The following DPP6 variants were observed in gnomAD, a reference collection of about 807,000 sequenced individuals.
DPP6 encodes the protein dipeptidyl peptidase like 6.
A neutral mutation model predicts 122.6 loss-of-function variants in DPP6; 69 were observed. That is an observed-to-expected ratio of 0.56 (90% confidence interval 0.46 to 0.69). The LOEUF (loss-of-function observed/expected upper bound fraction) is 0.69. Ranked by LOEUF, DPP6 falls within the 30% of genes least tolerant of loss-of-function variation. The pLI is 0.00. For synonymous variants in DPP6, 418 were observed against 433.1 expected (o/e 0.97, Z 0.43); for missense variants, 928 against 1,116.9 (o/e 0.83, Z 2.41).
Position 154,889,345 on chromosome 7 carries a change from G to A in DPP6, c.2377+1G>A. ...CTGATCATTCATCCCACTGCCGATG[G>A]TAAGGACTGAAAACATGAATTCACT... On this transcript the variant is annotated splice_donor_variant, in intron 24 of 25. Coordinates refer to ENST00000377770, the MANE Select transcript of DPP6 (RefSeq NM_130797.4). LOFTEE classifies it high-confidence loss of function. The A allele has an allele frequency of 6.2e-7, 1 of 1,612,428 alleles. No individual in the cohort carries two copies. The highest frequency in any genetic ancestry group is 8.5e-7 in the Non-Finnish European group (1 of 1,179,546).
At chr7:154,633,745 G>A (rs979658531) in intron 5 of DPP6, among the ~76,000 whole-genome samples, 1 of 152,180 alleles carries the variant, frequency 6.6e-6, no homozygotes, top group African/African-American at 2.4e-5. Context: ...TTGGCTTGAT[G>A]TTGAGGAAGA....
chr7:153,866,176 G>A, the DPP6 span, among the ~76,000 whole-genome samples: 1 of 152,096 alleles, frequency 6.6e-6, no homozygotes, highest in African/African-American at 2.4e-5. Context: ...CCAGTAATGG[G>A]ATGGCTGGGT....
At chr7:154,593,348 A>G (rs968791374) in intron 5 of DPP6, among the ~76,000 whole-genome samples, 1 of 152,216 alleles carries the variant, frequency 6.6e-6, no homozygotes, top group Non-Finnish European at 1.5e-5. Context: ...TGAGAGCAGG[A>G]AAGCTACCTT....
At chr7:154,280,647 G>A (rs1462827571) in intron 1 of DPP6, among the ~76,000 whole-genome samples, 1 of 152,216 alleles carries the variant, frequency 6.6e-6, no homozygotes, top group South Asian at 2.1e-4. Context: ...TAATAAGTGG[G>A]TTTATTGTCA....
At chr7:153,767,529 G>A in the DPP6 span, among the ~76,000 whole-genome samples, 4 of 81,052 alleles carry the variant, frequency 4.9e-5, no homozygotes, top group East Asian at 3.6e-4. Context: ...CATAACACCC[G>A]GTTAATTTTT....
At chr7:154,390,969 C>T (rs566668754) in intron 1 of DPP6, among the ~76,000 whole-genome samples, 8 of 152,242 alleles carry the variant, frequency 5.3e-5, no homozygotes, top group South Asian at 2.1e-4. Flanking sequence ...GTGACCTGGG[C>T]GGTTGCTTTA....
At position 154,071,039 on chromosome 7, in the gene DPP6, A is replaced by G. The variant is rs555209806; in HGVS notation, c.243+17976A>G. ...CATGTATGTGCATGCATGCTATTTT[A>G]TTTGTTTTTTGCTGATAAAGGTGGA... On this transcript the variant is annotated intron_variant, in intron 1 of 25. Coordinates refer to ENST00000377770, the MANE Select transcript of DPP6 (RefSeq NM_130797.4). Among the ~76,000 whole-genome samples the G allele has an allele frequency of 5.8e-4, 88 of 151,326 alleles. 1 individual carries two copies. The highest frequency in any genetic ancestry group is 2.1e-3 in the African/African-American group (87 of 40,808).
At chr7:154,034,403 G>A (rs180941546) in intron 1 of DPP6, among the ~76,000 whole-genome samples, 19 of 152,230 alleles carry the variant, frequency 1.2e-4, no homozygotes, top group East Asian at 1.9e-4. Context: ...GATGCTCATC[G>A]CTGTGGATCC....
chr7:154,662,598 G>A (rs1224758840), intron 6 of DPP6, among the ~76,000 whole-genome samples: 4 of 110,970 alleles, frequency 3.6e-5, no homozygotes, highest in Non-Finnish European at 7.2e-5. Flanking sequence ...ATGGCGTATC[G>A]GCCGTAGTGT....
chr7:154,322,989 G>A (rs57317816), intron 1 of DPP6, among the ~76,000 whole-genome samples: 23,585 of 151,982 alleles, frequency 0.16, 2,692 homozygotes, highest in African/African-American at 0.32. Context: ...TATTACTCCA[G>A]TCAGACCTTC....
At chr7:154,057,673 G>A (rs958295862) in intron 1 of DPP6, 1 of 150,636 alleles carries the variant, frequency 6.6e-6, no homozygotes, top group African/African-American at 2.5e-5. Flanking sequence ...GCCTTTGTAT[G>A]AGGTCACAAA....
chr7:153,868,902 G>A, the DPP6 span, among the ~76,000 whole-genome samples: 4 of 151,956 alleles, frequency 2.6e-5, no homozygotes, highest in East Asian at 1.9e-4. Context: ...CTTTCATTTC[G>A]TTATGTACCC....
At chr7:154,214,425 G>A (rs1023146573) in intron 1 of DPP6, among the ~76,000 whole-genome samples, 2 of 152,194 alleles carry the variant, frequency 1.3e-5, no homozygotes, top group South Asian at 2.1e-4. Flanking sequence ...CACATCACAG[G>A]TGCTGTGTTA....
intron 1 of DPP6, among the ~76,000 whole-genome samples, chr7:154,002,231 G>A (rs554824502): frequency 0.018 from 2,653 of 151,510 alleles, no homozygotes; most frequent in African/African-American, 0.043. Flanking sequence ...GCGTATTTTT[G>A]TATCCTACGG....
intron 7 of DPP6, among the ~76,000 whole-genome samples, chr7:154,685,789 T>G (rs967008436): frequency 1.3e-5 from 2 of 152,244 alleles, no homozygotes; most frequent in African/African-American, 4.8e-5. Flanking sequence ...TCAATTCAAC[T>G]TAATTCAACT....
intron 1 of DPP6, among the ~76,000 whole-genome samples, chr7:154,289,091 C>A (rs546661537): frequency 2.7e-4 from 41 of 151,982 alleles, no homozygotes; most frequent in African/African-American, 9.9e-4. Context: ...TAATACTAAA[C>A]GGAAGCTGAT....
chr7:154,482,870 G>A (rs1178037943), intron 3 of DPP6, among the ~76,000 whole-genome samples: 1 of 152,142 alleles, frequency 6.6e-6, no homozygotes, highest in Non-Finnish European at 1.5e-5. Context: ...GCTGACTTGA[G>A]GATCTCAGGC....
chr7:154,340,163 C>T (rs568955776), intron 1 of DPP6, among the ~76,000 whole-genome samples: 2 of 152,150 alleles, frequency 1.3e-5, no homozygotes, highest in South Asian at 4.2e-4. Flanking sequence ...GATTGATGTG[C>T]AAAAATCAAA....
At chr7:153,983,468 C>T (rs1796692560) in intron 1 of DPP6, among the ~76,000 whole-genome samples, 1 of 152,246 alleles carries the variant, frequency 6.6e-6, no homozygotes, top group African/African-American at 2.4e-5. Flanking sequence ...GCCAGTAGAT[C>T]TTAGCTTATT....
Sources: allele counts gnomAD v4.1 joint callset (sites outside exome capture counted in the v4.1 genomes callset), GRCh38; gene constraint gnomAD v4.1.1; transcripts MANE v1.5; gene names NCBI Gene and HGNC (gene_info 2026-07-23, HGNC 2026-07-21).